NTM: variants seen among roughly 807,000 people sequenced by gnomAD.
NTM encodes IgLON family member 2.
In NTM, 13 loss-of-function variants were observed where a neutral mutation model predicts 42.1. That is an observed-to-expected ratio of 0.31 (90% CI 0.20 to 0.49). NTM has a LOEUF of 0.49. Ranked by LOEUF, NTM falls within the 20% of genes least tolerant of loss-of-function variation. The probability of loss-of-function intolerance (pLI) is 0.99; values close to 1 mark genes in which losing one functional copy is unlikely to be tolerated. For missense variants in NTM, 373 were observed against 452.8 expected, an observed-to-expected ratio of 0.82 and a Z score of 1.60; for synonymous variants, 187 against 179.2, an observed-to-expected ratio of 1.04 and a Z score of -0.35.
chr11:132,110,417 C>T (rs7108199), intron 2 of NTM, among the ~76,000 whole-genome samples: 3 of 151,966 alleles, frequency 2.0e-5, no homozygotes, highest in Non-Finnish European at 1.5e-5. Flanking sequence ...ACTGAATTGT[C>T]GACATATGGC....
intron 2 of NTM, among the ~76,000 whole-genome samples, chr11:131,949,686 C>T (rs568822777): frequency 2.0e-5 from 3 of 152,108 alleles, no homozygotes; most frequent in Non-Finnish European, 2.9e-5. Flanking sequence ...TCCTGAGTCA[C>T]GAAAAATGTC....
At position 131,959,617 on chromosome 11, in the gene NTM, CAG is replaced by C. The variant is rs1280553780; in HGVS notation, c.167+47972_167+47973del. Among the ~76,000 whole-genome samples, 12 of 152,294 alleles carry C rather than the reference CAG, an allele frequency of 7.9e-5. No individual in the cohort carries two copies. In the South Asian group the frequency reaches 1.2e-3, roughly 16 times the overall value. The stretch of plus-strand genomic sequence containing the variant: ...CACCACTGCACTCCAGCCTGAGTGA[CAG>C]AGTGTCTAAAACAATACTTTACCTT... On this transcript the variant is annotated intron_variant, in intron 2 of 8. Coordinates refer to ENST00000683400, the MANE Select transcript of NTM (RefSeq NM_001352005.2).
At chr11:132,025,755 T>C (rs1477759653) in intron 2 of NTM, among the ~76,000 whole-genome samples, 12 of 152,192 alleles carry the variant, frequency 7.9e-5, no homozygotes. Flanking sequence ...AGAATGATTA[T>C]TGAGGAATAG....
chr11:131,474,739 C>T (rs925912036), intron 1 of NTM, among the ~76,000 whole-genome samples: 4 of 152,116 alleles, frequency 2.6e-5, no homozygotes, highest in Non-Finnish European at 5.9e-5. Context: ...TTCCTGATAT[C>T]ACTCTCTTAG....
chr11:131,877,328 C>G (rs1427544209), intron 1 of NTM, among the ~76,000 whole-genome samples: 2 of 152,320 alleles, frequency 1.3e-5, no homozygotes, highest in South Asian at 2.1e-4. Flanking sequence ...GTTGGCTTTT[C>G]TCGCCTGGCC....
chr11:131,620,963 A>C (rs1262069670), intron 1 of NTM, among the ~76,000 whole-genome samples: 2 of 152,198 alleles, frequency 1.3e-5, no homozygotes, highest in Non-Finnish European at 2.9e-5. Context: ...ATAACGATAA[A>C]TTACGCTAAC....
chr11:132,185,037 G>T (rs1015952761), intron 3 of NTM, among the ~76,000 whole-genome samples: 4 of 152,236 alleles, frequency 2.6e-5, no homozygotes, highest in African/African-American at 9.6e-5. Context: ...TCCTTATGAG[G>T]GTATTTGATC....
At chr11:132,085,926 G>T (rs1258548476) in intron 2 of NTM, among the ~76,000 whole-genome samples, 1 of 152,134 alleles carries the variant, frequency 6.6e-6, no homozygotes, top group South Asian at 2.1e-4. Flanking sequence ...CAAGAGGAAA[G>T]CAGAGGTCTC....
At chr11:131,400,716 T>C (rs1945039567) in intron 1 of NTM, among the ~76,000 whole-genome samples, 2 of 152,226 alleles carry the variant, frequency 1.3e-5, no homozygotes, top group African/African-American at 2.4e-5. Context: ...AGAGAAACCC[T>C]ATGTACTGAA....
In NTM at chr11:132,223,606, C is replaced by A. The variant is rs183677885; in HGVS notation, c.526+11459C>A. Among the ~76,000 whole-genome samples the A allele has an allele frequency of 1.8e-3, 277 of 152,280 alleles. 5 individuals are homozygous for A. Among genetic ancestry groups the A allele is most frequent in the East Asian group, 3.5e-3 (18 of 5,178 alleles). Reference sequence around the variant, plus strand: ...AAGCTTCATGAGGGCAGGAAGCATGCCTATCCTTGCTCACTGCTATGTGCA... The same window carrying A: ...AAGCTTCATGAGGGCAGGAAGCATGACTATCCTTGCTCACTGCTATGTGCA... On this transcript the variant is annotated intron_variant, in intron 4 of 8. Coordinates refer to ENST00000683400, the MANE Select transcript of NTM (RefSeq NM_001352005.2).
chr11:131,935,660 C>A (rs1230994264), intron 2 of NTM, among the ~76,000 whole-genome samples: 1 of 152,250 alleles, frequency 6.6e-6, no homozygotes, highest in East Asian at 1.9e-4. Flanking sequence ...TGCAGCTCTC[C>A]TTCTTACTGC....
In NTM at chr11:132,173,353, G is replaced by T. The variant is rs368280491; in HGVS notation, c.400+26839G>T. Among the ~76,000 whole-genome samples the T allele has an allele frequency of 1.2e-4, 18 of 152,292 alleles. No homozygotes were observed. The East Asian group carries it at 3.3e-3, about 28-fold the overall frequency. On this transcript the variant is annotated intron_variant, in intron 3 of 8. Coordinates refer to ENST00000683400, the MANE Select transcript of NTM (RefSeq NM_001352005.2). The stretch of plus-strand genomic sequence containing the variant: ...ATAATCTGTGATTGTCCATGAGTGT[G>T]CAGCGAAGTGGGGTCTCCGGAATTC...
chr11:131,789,620 A>AAGG lies in NTM; in HGVS notation c.83-121942_83-121941insGAG, dbSNP rs1565552798. Among the ~76,000 whole-genome samples, 97 of 86,672 alleles carry AAGG rather than the reference A, an allele frequency of 1.1e-3. 12 individuals are homozygous for AAGG. Among genetic ancestry groups the AAGG allele is most frequent in the Middle Eastern group, 5.2e-3 (1 of 192 alleles). The allele number at this position is 86,672 out of a possible 152,430, so 56.9% of individuals were successfully genotyped here. A position where few individuals can be genotyped will look rare whatever the true frequency, so the allele number is the denominator to read the frequency against. On this transcript the variant is annotated intron_variant, in intron 1 of 8. Coordinates refer to ENST00000683400, the MANE Select transcript of NTM (RefSeq NM_001352005.2). ...GAAGAAGAAGAAGAAGAAGAAGAAG[A>AAGG]AGAAGAAGAAGAAGAAAAGAAGAAG...
At position 131,476,994 on chromosome 11, in the gene NTM, G is replaced by A. The variant is rs530750502; in HGVS notation, c.82+106106G>A. 3.9e-5 allele frequency among the ~76,000 whole-genome samples: 6 copies of A among 152,128 alleles called. No homozygotes were observed. The South Asian group carries it at 8.3e-4, about 21-fold the overall frequency. The stretch of plus-strand genomic sequence containing the variant: ...AGGGGGCACTTGCTATGCATACCCC[G>A]CACCCCGTGTTTTAACAGAGTGATA... On this transcript the variant is annotated intron_variant, in intron 1 of 8. Coordinates refer to ENST00000683400, the MANE Select transcript of NTM (RefSeq NM_001352005.2).
At chr11:132,132,691 G>C (rs1364639823) in intron 2 of NTM, among the ~76,000 whole-genome samples, 1 of 152,150 alleles carries the variant, frequency 6.6e-6, no homozygotes, top group Non-Finnish European at 1.5e-5. Context: ...GGGTGGGGTA[G>C]AGACCATTTT....
chr11:131,489,829 C>G (rs1319819986), intron 1 of NTM, among the ~76,000 whole-genome samples: 5 of 152,250 alleles, frequency 3.3e-5, no homozygotes, highest in Non-Finnish European at 5.9e-5. Context: ...ATTCTCCGAG[C>G]CTCTCCTCTT....
At chr11:131,768,787 T>C (rs1158958605) in intron 1 of NTM, among the ~76,000 whole-genome samples, 2 of 152,190 alleles carry the variant, frequency 1.3e-5, no homozygotes, top group Non-Finnish European at 2.9e-5. Flanking sequence ...TTCGTTGCTA[T>C]AGCAAAAGTG....
At chr11:131,380,960 T>C (rs915191114) in intron 1 of NTM, among the ~76,000 whole-genome samples, 14 of 152,342 alleles carry the variant, frequency 9.2e-5, no homozygotes, top group African/African-American at 2.9e-4. Flanking sequence ...TCCTAAATCT[T>C]TTTTCCCGTA....
At chr11:131,806,195 C>T (rs1185323822) in intron 1 of NTM, among the ~76,000 whole-genome samples, 2 of 152,138 alleles carry the variant, frequency 1.3e-5, no homozygotes, top group African/African-American at 4.8e-5. Flanking sequence ...TTCTGTAAGT[C>T]TAAGTGCAAC....
Sources: gnomAD v4.1 joint callset for allele counts (sites outside exome capture counted in the v4.1 genomes callset) on GRCh38, gnomAD v4.1.1 for gene constraint, MANE v1.5 for transcripts, NCBI Gene and HGNC (gene_info 2026-07-23, HGNC 2026-07-21) for gene names.